The following SHISAL1 variants were observed in gnomAD, a reference collection of about 807,000 sequenced individuals.
SHISAL1 encodes the protein protein shisa-like-1.
In SHISAL1, 9 loss-of-function variants were observed where a neutral mutation model predicts 22.6. The ratio of observed to expected loss-of-function variants is 0.40; its 90% CI spans 0.24 to 0.70. SHISAL1 has a LOEUF of 0.70. Ranked by LOEUF, SHISAL1 falls within the 30% of genes least tolerant of loss-of-function variation. The probability of loss-of-function intolerance (pLI) is 0.39; values close to 1 mark genes in which losing one functional copy is unlikely to be tolerated. For missense variants in SHISAL1, 246 were observed against 270.6 expected, an observed-to-expected ratio of 0.91 and a Z score of 0.64; for synonymous variants, 119 against 115.4, an observed-to-expected ratio of 1.03 and a Z score of -0.20.
chr22:44,250,330 T>A (rs1386038665), intron 4 of SHISAL1, among the ~76,000 whole-genome samples: 1 of 152,198 alleles, frequency 6.6e-6, no homozygotes, highest in African/African-American at 2.4e-5. Context: ...TATATGACCA[T>A]GTCATACAAA....
the SHISAL1 span, among the ~76,000 whole-genome samples, chr22:44,326,421 A>G: frequency 2.6e-5 from 4 of 152,118 alleles, no homozygotes; most frequent in African/African-American, 9.7e-5. Flanking sequence ...TCTGCTGGGC[A>G]TCTCTCTGAG....
At chr22:44,306,923 T>C (rs1305086661) in intron 1 of SHISAL1, among the ~76,000 whole-genome samples, 2 of 73,086 alleles carry the variant, frequency 2.7e-5, no homozygotes, top group Non-Finnish European at 5.6e-5. Context: ...AAGGGACCTG[T>C]GCTCGGGGAG....
chr22:44,315,369 C>T (rs1306894236), upstream of SHISAL1, among the ~76,000 whole-genome samples: 8 of 152,172 alleles, frequency 5.3e-5, no homozygotes, highest in African/African-American at 1.7e-4. Flanking sequence ...ACTGCAGAAG[C>T]TGCTTTGGCC....
At position 44,300,864 on chromosome 22, in the gene SHISAL1, C is replaced by G. The variant is rs772058022; in HGVS notation, c.67+15G>C. On this transcript the variant is annotated intron_variant, in intron 2 of 4. Coordinates refer to ENST00000381176, the MANE Select transcript of SHISAL1 (RefSeq NM_001099294.2). ...CACGTGCCGCCCCCGCCCCCAGCAT[C>G]CACGGAGGTTTTACCTGCAGAAAAC... The G allele has an allele frequency of 6.2e-7, 1 of 1,612,530 alleles. No individual in the cohort carries two copies. The highest frequency in any genetic ancestry group is 1.7e-5 in the Admixed American group (1 of 60,030).
At chr22:44,259,489 A>G (rs2055107790) in intron 4 of SHISAL1, among the ~76,000 whole-genome samples, 1 of 146,264 alleles carries the variant, frequency 6.8e-6, no homozygotes, top group Non-Finnish European at 1.5e-5. Context: ...AAAAAAAAGA[A>G]ACAGCCAAAG....
the SHISAL1 span, among the ~76,000 whole-genome samples, chr22:44,324,400 G>C: frequency 3.2e-4 from 48 of 152,284 alleles, no homozygotes; most frequent in Middle Eastern, 3.4e-3. Context: ...ACAACCACAG[G>C]CTTGGTGGTC....
At position 44,272,699 on chromosome 22, in the gene SHISAL1, G is replaced by C. The variant is rs182560446; in HGVS notation, c.599+12729C>G. The stretch of plus-strand genomic sequence containing the variant: ...TTCTTTGCCTGGGGAAGGGCCAGGA[G>C]CTGCAAAGGGCCGATGAATTGGCCT... On this transcript the variant is annotated intron_variant, in intron 4 of 4. Transcript: ENST00000381176. Among the ~76,000 whole-genome samples, 19 of 152,326 alleles carry C rather than the reference G, an allele frequency of 1.2e-4. No individual in the cohort carries two copies. The East Asian group carries it at 3.1e-3, about 25-fold the overall frequency.
At chr22:44,284,992 T>C (rs1438143848) in intron 4 of SHISAL1, among the ~76,000 whole-genome samples, 2 of 151,674 alleles carry the variant, frequency 1.3e-5, no homozygotes, top group African/African-American at 4.9e-5. Flanking sequence ...ACAAGGCATG[T>C]ACACATAAGG....
Position 44,302,541 on chromosome 22 carries a change from T to C in SHISAL1, c.-32-1564A>G, listed in dbSNP as rs112184817. Among the ~76,000 whole-genome samples the C allele has an allele frequency of 3.2e-4, 49 of 152,304 alleles. 1 individual carries two copies. The highest frequency in any genetic ancestry group is 1.1e-3 in the African/African-American group (44 of 41,562). On this transcript the variant is annotated intron_variant, in intron 1 of 4. Coordinates refer to ENST00000381176, the MANE Select transcript of SHISAL1 (RefSeq NM_001099294.2). ...GAGGGCCTCTCTGAGAAGGTGACAT[T>C]TGAGCAGACCTTTGAGTGAGGCGGG...
intron 3 of SHISAL1, among the ~76,000 whole-genome samples, chr22:44,291,416 T>C (rs1424341885): frequency 6.6e-6 from 1 of 152,218 alleles, no homozygotes; most frequent in Non-Finnish European, 1.5e-5. Context: ...AGGCAGGGCT[T>C]CACCCTCTCT....
At chr22:44,331,033 C>T in the SHISAL1 span, among the ~76,000 whole-genome samples, 1 of 152,124 alleles carries the variant, frequency 6.6e-6, no homozygotes, top group Non-Finnish European at 1.5e-5. This position sits in a 1 kb window ranked among gnomAD's most constrained non-coding sequence, Gnocchi z 5.2. Context: ...CACTGAGCTC[C>T]CCGACTCTGT....
At chr22:44,277,508 C>G (rs2055248149) in intron 4 of SHISAL1, among the ~76,000 whole-genome samples, 2 of 146,550 alleles carry the variant, frequency 1.4e-5, no homozygotes, top group South Asian at 4.4e-4. Context: ...TGGGGCTATT[C>G]AAACCGAGGC....
At chr22:44,251,260 G>T (rs1372763831) in intron 4 of SHISAL1, among the ~76,000 whole-genome samples, 1 of 152,150 alleles carries the variant, frequency 6.6e-6, no homozygotes, top group Non-Finnish European at 1.5e-5. Flanking sequence ...ATAAATATTT[G>T]TCAAATGAAT....
intron 4 of SHISAL1, among the ~76,000 whole-genome samples, chr22:44,270,405 G>A (rs1351174765): frequency 6.6e-6 from 1 of 152,186 alleles, no homozygotes; most frequent in Non-Finnish European, 1.5e-5. Context: ...AGAAACATAA[G>A]TGACAACAGT....
intron 1 of SHISAL1, among the ~76,000 whole-genome samples, chr22:44,312,203 GTTCA>G (rs944505304): frequency 1.3e-5 from 2 of 152,096 alleles, no homozygotes; most frequent in East Asian, 1.9e-4. Flanking sequence ...TCATTTGTTC[GTTCA>G]TTCATTCATT....
intron 4 of SHISAL1, among the ~76,000 whole-genome samples, chr22:44,272,224 T>C (rs1405137166): frequency 6.6e-6 from 1 of 152,198 alleles, no homozygotes; most frequent in Non-Finnish European, 1.5e-5. Flanking sequence ...ACAATCTCCA[T>C]CTGAACTCCA....
At chr22:44,323,018 G>GCATCCATCCACCATCCATCCATC in the SHISAL1 span, among the ~76,000 whole-genome samples, 1 of 87,824 alleles carries the variant, frequency 1.1e-5, no homozygotes, top group African/African-American at 4.7e-5. Flanking sequence ...ATCCATCCAT[G>GCATCCATCCACCATCCATCCATC]CATCCATCCA....
At chr22:44,257,622 T>C (rs2055093481) in intron 4 of SHISAL1, among the ~76,000 whole-genome samples, 1 of 152,178 alleles carries the variant, frequency 6.6e-6, no homozygotes, top group South Asian at 2.1e-4. Flanking sequence ...ATAACAAAAT[T>C]TGTAAGACAG....
the SHISAL1 span, among the ~76,000 whole-genome samples, chr22:44,320,210 A>AG: frequency 5.9e-5 from 9 of 152,136 alleles, no homozygotes; most frequent in Non-Finnish European, 1.3e-4. Context: ...TGTGGGAGAG[A>AG]GGGACAGAAG....
Sources: gnomAD v4.1 joint callset for allele counts (sites outside exome capture counted in the v4.1 genomes callset) on GRCh38, gnomAD v4.1.1 for gene constraint, Gnocchi (gnomAD v3.1) non-coding constraint, MANE v1.5 for transcripts, NCBI Gene and HGNC (gene_info 2026-07-23, HGNC 2026-07-21) for gene names.